Variants in RAPGEF6 observed in about 807,000 individuals in gnomAD.
RAPGEF6 encodes the protein Rap guanine nucleotide exchange factor 6.
Under a neutral mutation model 171.4 loss-of-function variants are expected in RAPGEF6, and 56 were observed. That is an observed-to-expected ratio of 0.33 (90% CI 0.26 to 0.41). The LOEUF (loss-of-function observed/expected upper bound fraction) is 0.41. Among genes scored for constraint, RAPGEF6 ranks in the 10% least tolerant of loss-of-function variants. RAPGEF6 has a pLI of 1.00. For missense variants in RAPGEF6, 1,674 were observed against 1,921.4 expected, an observed-to-expected ratio of 0.87 and a Z score of 2.41; for synonymous variants, 692 against 650.1, an observed-to-expected ratio of 1.06 and a Z score of -0.98.
intron 12 of RAPGEF6, among the ~76,000 whole-genome samples, chr5:131,495,978 C>G (rs1756613294): frequency 6.6e-6 from 1 of 152,170 alleles, no homozygotes; most frequent in African/African-American, 2.4e-5. Flanking sequence ...AGCAGGCAAT[C>G]CTATCAATCA....
chr5:131,511,693 A>C (rs1757740735), intron 7 of RAPGEF6, among the ~76,000 whole-genome samples: 1 of 151,712 alleles, frequency 6.6e-6, no homozygotes, highest in Non-Finnish European at 1.5e-5. Flanking sequence ...GACTCGGGGG[A>C]GGTTGCTATG....
chr5:131,515,055 C>A (rs1023904922), intron 7 of RAPGEF6, among the ~76,000 whole-genome samples: 2 of 152,036 alleles, frequency 1.3e-5, no homozygotes, highest in African/African-American at 4.8e-5. Flanking sequence ...CTCGGCCTTC[C>A]CCAAATAAAC....
At chr5:131,455,158 G>GTAAA (rs1166061618) in intron 20 of RAPGEF6, among the ~76,000 whole-genome samples, 1 of 152,164 alleles carries the variant, frequency 6.6e-6, no homozygotes, top group African/African-American at 2.4e-5. Flanking sequence ...AACAACAAAA[G>GTAAA]TAAATATACA....
intron 6 of RAPGEF6, among the ~76,000 whole-genome samples, chr5:131,537,867 G>T (rs1020827311): frequency 2.0e-5 from 3 of 151,964 alleles, no homozygotes; most frequent in African/African-American, 7.3e-5. Context: ...GCCGAGGCAG[G>T]CTATTGCTGG....
At chr5:131,476,586 G>A (rs972888527) in intron 16 of RAPGEF6, among the ~76,000 whole-genome samples, 3 of 151,934 alleles carry the variant, frequency 2.0e-5, no homozygotes, top group East Asian at 1.9e-4. Context: ...TCAGCCTCCC[G>A]AGTAACTGGG....
intron 18 of RAPGEF6, chr5:131,463,710 G>T: frequency 1.0e-6 from 1 of 971,286 alleles, no homozygotes. Context: ...AAACTACTTA[G>T]AAAAAGAACT....
intron 6 of RAPGEF6, among the ~76,000 whole-genome samples, chr5:131,527,020 A>C (rs950814685): frequency 3.3e-5 from 5 of 152,286 alleles, no homozygotes; most frequent in African/African-American, 1.2e-4. Flanking sequence ...GGCATTTTGA[A>C]TTTGGTTCCT....
intron 1 of RAPGEF6, among the ~76,000 whole-genome samples, chr5:131,605,874 C>CA (rs1182728090): frequency 1.3e-5 from 2 of 151,296 alleles, no homozygotes; most frequent in East Asian, 3.9e-4. Context: ...ACTAAAAATA[C>CA]AAAAAATTAG....
chr5:131,510,671 T>C (rs1389182634), intron 7 of RAPGEF6, among the ~76,000 whole-genome samples, 180 bp from the exon 8 acceptor site: 1 of 152,222 alleles, frequency 6.6e-6, no homozygotes, highest in Non-Finnish European at 1.5e-5. Context: ...GCCCCAAATT[T>C]AGAGGCTCAT....
chr5:131,538,115 A>C (rs1439421900), intron 6 of RAPGEF6, among the ~76,000 whole-genome samples: 1 of 152,130 alleles, frequency 6.6e-6, no homozygotes, highest in Non-Finnish European at 1.5e-5. Context: ...CCAAAAACAA[A>C]AAACCACTAC....
At chr5:131,630,902 G>T (rs1284656078) in intron 1 of RAPGEF6, among the ~76,000 whole-genome samples, 1 of 152,136 alleles carries the variant, frequency 6.6e-6, no homozygotes, top group Non-Finnish European at 1.5e-5. Context: ...CACCCAGTAG[G>T]TATTCAAGGA....
At chr5:131,513,089 A>C (rs1757848182) in intron 7 of RAPGEF6, among the ~76,000 whole-genome samples, 3 of 152,204 alleles carry the variant, frequency 2.0e-5, no homozygotes, top group African/African-American at 7.2e-5. Flanking sequence ...CTGGCTATGA[A>C]ATTACAGGGT....
At chr5:131,612,060 G>A (rs1432559868) in intron 1 of RAPGEF6, among the ~76,000 whole-genome samples, 2 of 151,890 alleles carry the variant, frequency 1.3e-5, no homozygotes, top group Non-Finnish European at 2.9e-5. Context: ...TTAGAGACGG[G>A]GTCTCACTCT....
intron 7 of RAPGEF6, among the ~76,000 whole-genome samples, chr5:131,520,745 T>A (rs544798690): frequency 6.6e-6 from 1 of 152,316 alleles, no homozygotes; most frequent in African/African-American, 2.4e-5. Flanking sequence ...TTCCACTATC[T>A]GGATCCTGAA....
At chr5:131,504,937 G>T (rs189358615) in intron 10 of RAPGEF6, among the ~76,000 whole-genome samples, 159 bp from the exon 11 acceptor site, 1 of 152,198 alleles carries the variant, frequency 6.6e-6, no homozygotes, top group Non-Finnish European at 1.5e-5. Context: ...AACAATTCAC[G>T]TATGAAGAGA....
chr5:131,433,776 A>G (rs536938744), intron 24 of RAPGEF6, 118 bp from the exon 25 acceptor site: 3 of 770,686 alleles, frequency 3.9e-6, no homozygotes, highest in East Asian at 5.4e-5. Flanking sequence ...AAGTAGAAGC[A>G]ATTTTAGTTT....
intron 6 of RAPGEF6, among the ~76,000 whole-genome samples, chr5:131,534,282 C>A (rs1759604900): frequency 6.6e-6 from 1 of 152,078 alleles, no homozygotes; most frequent in African/African-American, 2.4e-5. Flanking sequence ...TCTTCAATAT[C>A]TTTGAGAAAA....
At chr5:131,631,638 A>G (rs1561623829) in intron 1 of RAPGEF6, among the ~76,000 whole-genome samples, 1 of 152,162 alleles carries the variant, frequency 6.6e-6, no homozygotes, top group East Asian at 1.9e-4. Flanking sequence ...TTCTCAACAC[A>G]GCAGCCAGGA....
At chr5:131,474,217 C>T (rs891673386) in intron 16 of RAPGEF6, among the ~76,000 whole-genome samples, 2 of 152,178 alleles carry the variant, frequency 1.3e-5, no homozygotes, top group Non-Finnish European at 2.9e-5. Context: ...GCAATCCCAG[C>T]ACTTTGGGTG....
Sources: allele counts gnomAD v4.1 joint callset (sites outside exome capture counted in the v4.1 genomes callset), GRCh38; gene constraint gnomAD v4.1.1; transcripts MANE v1.5; gene names NCBI Gene and HGNC (gene_info 2026-07-23, HGNC 2026-07-21).